DRC10: variants seen among roughly 807,000 people sequenced by gnomAD.
DRC10 encodes IQ domain-containing protein D.
chr12:113,195,883 ACTC>A, the DRC10 span: 1 of 1,600,490 alleles, frequency 6.2e-7, no homozygotes. Context: ...AGATCCTCCA[ACTC>A]CTCCTGGGGT....
chr12:113,200,443 C>T, the DRC10 span: 1 of 784,632 alleles, frequency 1.3e-6, no homozygotes, highest in Non-Finnish European at 2.2e-6. Flanking sequence ...CCTTCCCCTC[C>T]ACCAAGCCAC....
At chr12:113,195,676 G>A in the DRC10 span, 17 of 1,613,404 alleles carry the variant, frequency 1.1e-5, no homozygotes, top group Admixed American at 3.3e-5. Flanking sequence ...AGCAGGGAGC[G>A]CACCAGATAG....
chr12:113,200,813 C>T, the DRC10 span: 1 of 1,526,528 alleles, frequency 6.6e-7, no homozygotes, highest in Non-Finnish European at 8.8e-7. Context: ...TCCTTTTCCA[C>T]CTAAGCCAGG....
chr12:113,201,172 C>T, the DRC10 span, among the ~76,000 whole-genome samples: 5 of 152,164 alleles, frequency 3.3e-5, no homozygotes, highest in African/African-American at 1.2e-4. Context: ...TATCCACTGA[C>T]AGTCACCAGA....
At chr12:113,206,241 T>G in the DRC10 span, 1 of 145,374 alleles carries the variant, frequency 6.9e-6, no homozygotes, top group Non-Finnish European at 1.5e-5. Context: ...AAAAAAGAAA[T>G]CAATATACTC....
the DRC10 span, among the ~76,000 whole-genome samples, chr12:113,210,493 G>A: frequency 0.063 from 9,550 of 152,004 alleles, 372 homozygotes; most frequent in Middle Eastern, 0.078. Context: ...CAAGCACAGG[G>A]GCTCACGCCT....
chr12:113,195,716 C>T, the DRC10 span: 13 of 1,613,764 alleles, frequency 8.1e-6, no homozygotes, highest in African/African-American at 8.0e-5. Context: ...TGAGCGTGGC[C>T]GCCCGTACCA....
At chr12:113,213,452 A>G in the DRC10 span, among the ~76,000 whole-genome samples, 1 of 152,220 alleles carries the variant, frequency 6.6e-6, no homozygotes, top group Non-Finnish European at 1.5e-5. Context: ...TTGAGAACTT[A>G]CTGTGTAGCA....
the DRC10 span, among the ~76,000 whole-genome samples, chr12:113,206,953 G>C: frequency 6.6e-6 from 1 of 152,150 alleles, no homozygotes; most frequent in Non-Finnish European, 1.5e-5. Flanking sequence ...TCAGCTACTT[G>C]GGAGGGTGAG....
chr12:113,218,939 A>AT, the DRC10 span, among the ~76,000 whole-genome samples: 1 of 152,216 alleles, frequency 6.6e-6, no homozygotes, highest in Admixed American at 6.5e-5. Context: ...TGCTAAGAAC[A>AT]TTTATATTTA....
At chr12:113,199,095 G>A in the DRC10 span, among the ~76,000 whole-genome samples, 1 of 151,946 alleles carries the variant, frequency 6.6e-6, no homozygotes, top group Non-Finnish European at 1.5e-5. Context: ...ATGCCACCAC[G>A]CCCGGCTAAT....
At chr12:113,199,989 G>A in the DRC10 span, 3 of 215,964 alleles carry the variant, frequency 1.4e-5, no homozygotes, top group East Asian at 1.5e-4. Context: ...GGGTTCAAGC[G>A]ATCCTCCCAC....
the DRC10 span, among the ~76,000 whole-genome samples, chr12:113,208,771 C>T: frequency 3.0e-4 from 45 of 152,066 alleles, no homozygotes; most frequent in Admixed American, 2.9e-3. Flanking sequence ...TTTCTACTGC[C>T]CTTGGCCAAA....
the DRC10 span, among the ~76,000 whole-genome samples, chr12:113,197,189 G>A: frequency 7.2e-6 from 1 of 139,176 alleles, no homozygotes; most frequent in African/African-American, 2.8e-5. Context: ...CTAGCCAGTC[G>A]CTTTTTTTTT....
chr12:113,218,264 G>A, the DRC10 span, among the ~76,000 whole-genome samples: 1 of 151,678 alleles, frequency 6.6e-6, no homozygotes, highest in African/African-American at 2.4e-5. Flanking sequence ...AGCCTCCCAA[G>A]TAGCTGGGAT....
the DRC10 span, among the ~76,000 whole-genome samples, chr12:113,213,198 A>AAC: frequency 1.3e-5 from 2 of 148,936 alleles, no homozygotes; most frequent in Non-Finnish European, 1.5e-5. Flanking sequence ...AAAAAAAAAA[A>AAC]AAAAAACCAA....
At chr12:113,207,786 G>A in the DRC10 span, 1 of 1,614,120 alleles carries the variant, frequency 6.2e-7, no homozygotes, top group South Asian at 1.1e-5. Flanking sequence ...GGCGGTCTCT[G>A]AGCCACCCTT....
At chr12:113,212,465 G>GATGAATGTGAACAAGGTAGTTA in the DRC10 span, among the ~76,000 whole-genome samples, 1 of 152,196 alleles carries the variant, frequency 6.6e-6, no homozygotes, top group Non-Finnish European at 1.5e-5. Context: ...ATGGCTACAG[G>GATGAATGTGAACAAGGTAGTTA]ATGAATGTGA....
At chr12:113,201,056 T>C in the DRC10 span, among the ~76,000 whole-genome samples, 4 of 152,110 alleles carry the variant, frequency 2.6e-5, no homozygotes, top group Admixed American at 6.5e-5. Flanking sequence ...GGAGAATCAC[T>C]TGAATACAGG....
Sources: gnomAD v4.1 joint callset for allele counts (sites outside exome capture counted in the v4.1 genomes callset) on GRCh38, gnomAD v4.1.1 for gene constraint, MANE v1.5 for transcripts, NCBI Gene and HGNC (gene_info 2026-07-23, HGNC 2026-07-21) for gene names.